Variants in CADM2 observed in about 807,000 individuals in gnomAD.
CADM2 encodes the protein immunoglobulin superfamily member 4D.
CADM2 carries 12 observed loss-of-function variants against 49.8 expected under a neutral mutation model. That is an observed-to-expected ratio of 0.24 (90% CI 0.15 to 0.39). The LOEUF (loss-of-function observed/expected upper bound fraction) is 0.39. Among genes scored for constraint, CADM2 ranks in the 10% least tolerant of loss-of-function variants. The probability of loss-of-function intolerance (pLI) is 1.00; values close to 1 mark genes in which losing one functional copy is unlikely to be tolerated. For synonymous variants in CADM2, 214 were observed against 175.4 expected, an observed-to-expected ratio of 1.22 and a Z score of -1.74; for missense variants, 378 against 492.3, an observed-to-expected ratio of 0.77 and a Z score of 2.20.
intron 2 of CADM2, among the ~76,000 whole-genome samples, chr3:85,742,624 A>G (rs1479426300): frequency 3.9e-5 from 6 of 152,374 alleles, no homozygotes; most frequent in African/African-American, 1.4e-4. Context: ...ATCATGAAAT[A>G]TAATTTTGCA....
intron 1 of CADM2, among the ~76,000 whole-genome samples, chr3:85,460,736 G>GTGTGTA (rs1224744555): frequency 6.6e-6 from 1 of 151,076 alleles, no homozygotes; most frequent in African/African-American, 2.4e-5. Flanking sequence ...GAGATGTGGT[G>GTGTGTA]TGTGTGTGTG....
intron 1 of CADM2, among the ~76,000 whole-genome samples, chr3:85,428,362 T>A (rs2036510380): frequency 6.9e-6 from 1 of 145,470 alleles, no homozygotes; most frequent in Admixed American, 7.0e-5. Context: ...TCATATATAT[T>A]ATATATAATA....
chr3:85,926,492 TTAA>T (rs1719894655), intron 6 of CADM2, among the ~76,000 whole-genome samples: 3 of 152,308 alleles, frequency 2.0e-5, no homozygotes, highest in Admixed American at 2.0e-4. Context: ...TTCTTTAGTA[TTAA>T]TGTTAAGTTC....
chr3:85,804,405 G>A (rs546036289), intron 3 of CADM2, among the ~76,000 whole-genome samples: 4 of 152,158 alleles, frequency 2.6e-5, no homozygotes, highest in African/African-American at 9.6e-5. Context: ...AGCAGTTTTT[G>A]AAAGTGTAGC....
intron 1 of CADM2, among the ~76,000 whole-genome samples, chr3:85,549,428 C>T (rs1405281267): frequency 6.6e-6 from 1 of 152,094 alleles, no homozygotes; most frequent in African/African-American, 2.4e-5. Context: ...CAATTGCATG[C>T]ATGGGAGAAA....
At chr3:85,527,518 A>G (rs553090819) in intron 1 of CADM2, among the ~76,000 whole-genome samples, 2 of 151,424 alleles carry the variant, frequency 1.3e-5, no homozygotes, top group Non-Finnish European at 2.9e-5. Context: ...TCTACACACT[A>G]TATATGAGAT....
chr3:85,438,487 A>G (rs2037036483), intron 1 of CADM2, among the ~76,000 whole-genome samples: 1 of 152,074 alleles, frequency 6.6e-6, no homozygotes, highest in African/African-American at 2.4e-5. Flanking sequence ...GCAGTCATAG[A>G]TTTTCACTCC....
chr3:85,378,495 TGA>T (rs2033720436), intron 1 of CADM2, among the ~76,000 whole-genome samples: 1 of 152,006 alleles, frequency 6.6e-6, no homozygotes, highest in Non-Finnish European at 1.5e-5. Flanking sequence ...CGTTGGTGGG[TGA>T]GAGACAGTAA....
chr3:85,881,085 T>A (rs1712693067), intron 3 of CADM2, among the ~76,000 whole-genome samples: 1 of 152,114 alleles, frequency 6.6e-6, no homozygotes, highest in Non-Finnish European at 1.5e-5. Context: ...TATCTTTTCT[T>A]TTTATCCTTC....
chr3:86,059,461 C>T (rs6790226), intron 8 of CADM2, among the ~76,000 whole-genome samples: 106,134 of 152,038 alleles, frequency 0.7, 38,701 homozygotes, highest in African/African-American at 0.92. Flanking sequence ...GTTCAGAAAG[C>T]TTTATGTTTA....
chr3:85,320,835 C>A (rs1467769213), intron 1 of CADM2, among the ~76,000 whole-genome samples: 2 of 151,644 alleles, frequency 1.3e-5, no homozygotes, highest in Admixed American at 6.6e-5. Context: ...TTGATTACTG[C>A]ATTTCAGATA....
intron 8 of CADM2, among the ~76,000 whole-genome samples, chr3:86,024,743 CA>C (rs1273442002): frequency 6.6e-6 from 1 of 152,062 alleles, no homozygotes; most frequent in Non-Finnish European, 1.5e-5. Context: ...CAAGGTCTTG[CA>C]AAATTGACTA....
intron 1 of CADM2, among the ~76,000 whole-genome samples, chr3:85,519,927 C>T (rs375966733): frequency 6.6e-6 from 1 of 151,888 alleles, no homozygotes; most frequent in African/African-American, 2.4e-5. Context: ...GGAAAGATTC[C>T]ACTCCACTGA....
chr3:85,751,953 T>G (rs2068878200), intron 2 of CADM2, among the ~76,000 whole-genome samples: 1 of 152,074 alleles, frequency 6.6e-6, no homozygotes, highest in Non-Finnish European at 1.5e-5. Context: ...TAATTTTTCT[T>G]AGAAATGATT....
intron 1 of CADM2, among the ~76,000 whole-genome samples, chr3:85,119,371 C>T (rs993625546): frequency 2.0e-5 from 3 of 152,162 alleles, no homozygotes; most frequent in African/African-American, 7.2e-5. Flanking sequence ...TGTTTTGGTA[C>T]CAGTACCATG....
chr3:84,960,939 G>A (rs1176041354), intron 1 of CADM2, among the ~76,000 whole-genome samples: 2 of 152,110 alleles, frequency 1.3e-5, no homozygotes, highest in Admixed American at 6.6e-5. Context: ...ATAGGGATGT[G>A]GCTTGAGTGT....
intron 1 of CADM2, among the ~76,000 whole-genome samples, chr3:85,316,824 C>T (rs988235016): frequency 2.6e-5 from 4 of 151,986 alleles, no homozygotes; most frequent in Non-Finnish European, 5.9e-5. Context: ...AACAAAAGCG[C>T]GTACATGCAG....
At chr3:85,922,294 T>C (rs1431629349) in intron 6 of CADM2, among the ~76,000 whole-genome samples, 1 of 148,820 alleles carries the variant, frequency 6.7e-6, no homozygotes, top group Non-Finnish European at 1.5e-5. Context: ...TTTTATCACA[T>C]TTATAATTAA....
chr3:85,340,409 G>A (rs1345023915), intron 1 of CADM2, among the ~76,000 whole-genome samples: 2 of 151,412 alleles, frequency 1.3e-5, no homozygotes, highest in Non-Finnish European at 3.0e-5. Context: ...GTTGCTCATA[G>A]ATTAAGTGCT....
Sources: gnomAD v4.1 joint callset for allele counts (sites outside exome capture counted in the v4.1 genomes callset) on GRCh38, gnomAD v4.1.1 for gene constraint, MANE v1.5 for transcripts, NCBI Gene and HGNC (gene_info 2026-07-23, HGNC 2026-07-21) for gene names.